The following PDGFC variants were observed in gnomAD, a reference collection of about 807,000 sequenced individuals.
PDGFC encodes the protein platelet derived growth factor C.
Under a neutral mutation model 35.5 loss-of-function variants are expected in PDGFC, and 12 were observed. The observed-to-expected ratio is 0.34, with a 90% CI of 0.22 to 0.55. PDGFC has a LOEUF of 0.55. Ranked by LOEUF, PDGFC falls within the 20% of genes least tolerant of loss-of-function variation. The probability of loss-of-function intolerance (pLI) is 0.91; values close to 1 mark genes in which losing one functional copy is unlikely to be tolerated. For synonymous variants in PDGFC, 159 were observed against 148.8 expected (o/e 1.07, Z -0.50); for missense variants, 322 against 412.4 (o/e 0.78, Z 1.90).
Position 156,901,582 on chromosome 4 carries a change from CG to C in PDGFC, c.119-51167del, listed in dbSNP as rs200429211. Among the ~76,000 whole-genome samples the C allele has an allele frequency of 5.9e-5, 9 of 151,356 alleles. No individual in the cohort carries two copies. The East Asian group carries it at 1.6e-3, about 26-fold the overall frequency. On this transcript the variant is annotated intron_variant, in intron 1 of 5. Coordinates refer to ENST00000502773, the MANE Select transcript of PDGFC (RefSeq NM_016205.3). The stretch of plus-strand genomic sequence containing the variant: ...GAGAGAGAGAGAGCAGGGCAATGGC[CG>C]GGTATCTATTTCATTATTATTATTA...
chr4:156,766,144 T>G (rs1172760976), intron 5 of PDGFC, among the ~76,000 whole-genome samples: 1 of 152,078 alleles, frequency 6.6e-6, no homozygotes, highest in Non-Finnish European at 1.5e-5. Flanking sequence ...AAATAGACAA[T>G]AATTTTGAAA....
intron 1 of PDGFC, among the ~76,000 whole-genome samples, chr4:156,941,484 T>G (rs1579114548): frequency 6.6e-6 from 1 of 152,184 alleles, no homozygotes; most frequent in Non-Finnish European, 1.5e-5. Context: ...AGGAATACTG[T>G]GCTGAGAGAA....
intron 1 of PDGFC, among the ~76,000 whole-genome samples, chr4:156,946,305 TG>T (rs1413365667): frequency 6.6e-6 from 1 of 152,018 alleles, no homozygotes; most frequent in Non-Finnish European, 1.5e-5. Flanking sequence ...ATAATAGCTT[TG>T]GTTTCACAGC....
intron 3 of PDGFC, among the ~76,000 whole-genome samples, chr4:156,809,158 T>G (rs866794814): frequency 4.6e-5 from 7 of 152,112 alleles, no homozygotes; most frequent in Non-Finnish European, 1.0e-4. Context: ...CCTGGCTCAA[T>G]AGAGTCCAGG....
At chr4:156,919,450 A>G (rs904830031) in intron 1 of PDGFC, among the ~76,000 whole-genome samples, 6 of 151,880 alleles carry the variant, frequency 4.0e-5, no homozygotes, top group East Asian at 1.9e-4. Flanking sequence ...GAAAGCAGAC[A>G]GCCCAAGTGG....
intron 1 of PDGFC, among the ~76,000 whole-genome samples, chr4:156,945,340 TAC>T (rs1731915414): frequency 3.4e-5 from 2 of 59,378 alleles, no homozygotes; most frequent in Non-Finnish European, 7.2e-5. Context: ...TACATATACA[TAC>T]ATATATATAT....
intron 2 of PDGFC, among the ~76,000 whole-genome samples, chr4:156,827,381 C>G (rs1560829454): frequency 2.0e-5 from 3 of 150,724 alleles, no homozygotes; most frequent in Admixed American, 6.6e-5. Context: ...CACGCCACTG[C>G]ACTCCAGCCT....
chr4:156,866,729 C>A (rs1050099952), intron 1 of PDGFC, among the ~76,000 whole-genome samples: 1 of 152,104 alleles, frequency 6.6e-6, no homozygotes, highest in East Asian at 1.9e-4. Context: ...AAAAAAATAA[C>A]CAGTACTATC....
intron 1 of PDGFC, among the ~76,000 whole-genome samples, chr4:156,887,772 G>T: frequency 6.6e-6 from 1 of 152,028 alleles, no homozygotes; most frequent in Admixed American, 6.6e-5. Context: ...CCCTCACTTT[G>T]GGAGGCTGAG....
intron 3 of PDGFC, among the ~76,000 whole-genome samples, chr4:156,775,096 C>T (rs1445718128): frequency 1.3e-5 from 2 of 151,972 alleles, no homozygotes; most frequent in Admixed American, 6.6e-5. Context: ...TTTTATTACC[C>T]AGTGTTTTCT....
chr4:156,910,667 G>C (rs1431298221), intron 1 of PDGFC, among the ~76,000 whole-genome samples: 1 of 151,960 alleles, frequency 6.6e-6, no homozygotes, highest in East Asian at 1.9e-4. Flanking sequence ...GTGACATATG[G>C]GAGATCCATT....
At chr4:156,779,201 C>T (rs966093573) in intron 3 of PDGFC, 22 of 455,972 alleles carry the variant, frequency 4.8e-5, no homozygotes, top group African/African-American at 3.6e-4. Flanking sequence ...CATTTAAACA[C>T]GCTTCTTTGC....
intron 2 of PDGFC, among the ~76,000 whole-genome samples, chr4:156,817,460 A>T (rs1732118425): frequency 1.3e-5 from 2 of 152,202 alleles, no homozygotes; most frequent in African/African-American, 2.4e-5. Flanking sequence ...AAAATTAGAT[A>T]AAATGGATGA....
At chr4:156,815,885 G>A (rs1352812681) in intron 2 of PDGFC, among the ~76,000 whole-genome samples, 1 of 152,104 alleles carries the variant, frequency 6.6e-6, no homozygotes, top group Non-Finnish European at 1.5e-5. Flanking sequence ...AGCATACAGG[G>A]CTAAGTGGTT....
chr4:156,773,849 A>G (rs1299383502), intron 3 of PDGFC: 2 of 152,190 alleles, frequency 1.3e-5, no homozygotes, highest in African/African-American at 2.4e-5. Context: ...ACTTATGCAC[A>G]TGGAAATATG....
chr4:156,879,656 G>A (rs1730195748), intron 1 of PDGFC, among the ~76,000 whole-genome samples: 1 of 152,070 alleles, frequency 6.6e-6, no homozygotes, highest in East Asian at 1.9e-4. Flanking sequence ...CAGGATTTAT[G>A]GACATTTTCT....
intron 1 of PDGFC, among the ~76,000 whole-genome samples, chr4:156,920,772 T>A (rs1379511014): frequency 3.3e-5 from 5 of 152,028 alleles, no homozygotes; most frequent in Admixed American, 2.6e-4. Flanking sequence ...AAATAAAAAC[T>A]ATAATTGCCA....
At chr4:156,860,109 G>C (rs965407465) in intron 1 of PDGFC, among the ~76,000 whole-genome samples, 2 of 152,126 alleles carry the variant, frequency 1.3e-5, no homozygotes, top group Non-Finnish European at 2.9e-5. Context: ...TCAAAATAGA[G>C]ACTGAACTGA....
chr4:156,925,113 T>C (rs1731376025), intron 1 of PDGFC, among the ~76,000 whole-genome samples: 1 of 152,130 alleles, frequency 6.6e-6, no homozygotes, highest in South Asian at 2.1e-4. Context: ...ACTGAAAAAC[T>C]TGCCAGACAA....
Sources: gnomAD v4.1 joint callset for allele counts (sites outside exome capture counted in the v4.1 genomes callset) on GRCh38, gnomAD v4.1.1 for gene constraint, MANE v1.5 for transcripts, NCBI Gene and HGNC (gene_info 2026-07-23, HGNC 2026-07-21) for gene names.